AHCYL2: variants seen among roughly 807,000 people sequenced by gnomAD.
AHCYL2 encodes the protein adenosylhomocysteinase like 2, also known as S-adenosylhomocysteine hydrolase-like protein 2.
In AHCYL2, 28 loss-of-function variants were observed where a neutral mutation model predicts 81.4. The ratio of observed to expected loss-of-function variants is 0.34; its 90% CI spans 0.25 to 0.47. The LOEUF (loss-of-function observed/expected upper bound fraction) is 0.47, where lower values mean the gene tolerates loss of function less well. AHCYL2 is among the 20% of genes least tolerant of loss of function. The pLI, the probability that AHCYL2 is intolerant of heterozygous loss-of-function variation, is 1.00. For missense variants in AHCYL2, 551 were observed against 785.1 expected (o/e 0.70, Z 3.56); for synonymous variants, 272 against 290.2 (o/e 0.94, Z 0.64).
At chr7:129,379,459 A>T (rs1019252766) in intron 1 of AHCYL2, among the ~76,000 whole-genome samples, 179 bp from the exon 2 acceptor site, 2 of 145,862 alleles carry the variant, frequency 1.4e-5, no homozygotes, top group East Asian at 2.0e-4. Context: ...ATCTCTATTT[A>T]AAAAAAAAAA....
intron 1 of AHCYL2, among the ~76,000 whole-genome samples, chr7:129,315,847 T>G (rs1330818102): frequency 1.8e-4 from 27 of 152,194 alleles, no homozygotes; most frequent in Admixed American, 1.8e-3. Flanking sequence ...TGGTCAGTTA[T>G]GAAAATTAGC....
At chr7:129,336,187 C>A (rs976946681) in intron 1 of AHCYL2, among the ~76,000 whole-genome samples, 9 of 151,540 alleles carry the variant, frequency 5.9e-5, no homozygotes, top group Admixed American at 3.3e-4. Flanking sequence ...CCTGCCTCAG[C>A]CTCCCAAGTA....
chr7:129,311,223 T>C (rs1563191498), intron 1 of AHCYL2, among the ~76,000 whole-genome samples: 1 of 152,144 alleles, frequency 6.6e-6, no homozygotes, highest in African/African-American at 2.4e-5. Flanking sequence ...CTGAAGTCCT[T>C]GAAAAGAAAG....
intron 1 of AHCYL2, among the ~76,000 whole-genome samples, chr7:129,256,531 T>TCCCCCCCCCCCCCCCCCCCCCCC (rs1372558756): frequency 2.3e-5 from 1 of 43,482 alleles, no homozygotes; most frequent in Non-Finnish European, 4.3e-5. Context: ...ACATCTTGCT[T>TCCCCCCCCCCCCCCCCCCCCCCC]CCCGCCCCCC....
intron 1 of AHCYL2, among the ~76,000 whole-genome samples, chr7:129,322,601 CT>C (rs966756239): frequency 6.6e-6 from 1 of 150,922 alleles, no homozygotes; most frequent in Non-Finnish European, 1.5e-5. Context: ...TTTTCTTTTT[CT>C]TTTTTTTGAG....
At chr7:129,259,179 A>T (rs1456343696) in intron 1 of AHCYL2, among the ~76,000 whole-genome samples, 1 of 152,152 alleles carries the variant, frequency 6.6e-6, no homozygotes, top group African/African-American at 2.4e-5. Flanking sequence ...AGTCTCTGAT[A>T]AACAAAGAAG....
chr7:129,258,772 T>C (rs1795517925), intron 1 of AHCYL2, among the ~76,000 whole-genome samples: 1 of 152,152 alleles, frequency 6.6e-6, no homozygotes, highest in East Asian at 1.9e-4. Flanking sequence ...TAGCCTCAAT[T>C]AAGGTTTTTG....
At chr7:129,356,374 A>G (rs893749987) in intron 1 of AHCYL2, among the ~76,000 whole-genome samples, 1 of 152,208 alleles carries the variant, frequency 6.6e-6, no homozygotes, top group Non-Finnish European at 1.5e-5. Flanking sequence ...TTAAATTACT[A>G]TAAACCACTG....
At chr7:129,326,120 A>T (rs1343141698) in intron 1 of AHCYL2, among the ~76,000 whole-genome samples, 2 of 152,198 alleles carry the variant, frequency 1.3e-5, no homozygotes, top group Non-Finnish European at 2.9e-5. Context: ...GAACATTTGT[A>T]TACAAAAATA....
rs1554472002 is a variant in AHCYL2, at chr7:129,267,230, G to GGTGTGTGTGTGTGTATGTGTGT, written c.363+41805_363+41806insATGTGTGTGTGTGTGTGTGTGT. Among the ~76,000 whole-genome samples, 121 of 59,216 alleles carry GGTGTGTGTGTGTGTATGTGTGT rather than the reference G, an allele frequency of 2.0e-3. 1 individual carries two copies. The highest frequency in any genetic ancestry group is 4.3e-3 in the African/African-American group (100 of 23,128). 38.8% of individuals were successfully genotyped at this position (59,216 alleles called of 152,430 possible). ...TCCAAGTTATTGAGTTCACTCAAGG[G>GGTGTGTGTGTGTGTATGTGTGT]GTGTGTGTGTGTGTGTGTGTGTGTG... On this transcript the variant is annotated intron_variant, in intron 1 of 16. Transcript: ENST00000325006.
chr7:129,242,958 T>G (rs1346425026), intron 1 of AHCYL2, among the ~76,000 whole-genome samples: 1 of 151,952 alleles, frequency 6.6e-6, no homozygotes, highest in Non-Finnish European at 1.5e-5. Context: ...TTTTTTCATA[T>G]CCTTTCCCAT....
chr7:129,243,215 G>A (rs1794928724), intron 1 of AHCYL2, among the ~76,000 whole-genome samples: 1 of 151,440 alleles, frequency 6.6e-6, no homozygotes, highest in South Asian at 2.1e-4. Flanking sequence ...AGTAGAGATG[G>A]GGTTTCACCA....
chr7:129,261,984 A>AT (rs754099423), intron 1 of AHCYL2, among the ~76,000 whole-genome samples: 1 of 152,110 alleles, frequency 6.6e-6, no homozygotes, highest in Non-Finnish European at 1.5e-5. Flanking sequence ...TTTCTGTATT[A>AT]TTTTTTAACA....
intron 1 of AHCYL2, among the ~76,000 whole-genome samples, chr7:129,266,868 T>C (rs1415766180): frequency 6.6e-6 from 1 of 152,216 alleles, no homozygotes. Context: ...TAGATGATTT[T>C]GTATGACTAA....
intron 1 of AHCYL2, among the ~76,000 whole-genome samples, chr7:129,321,743 G>GTTTTTTTTTTTTTTTTTTTTTTGT: frequency 2.6e-5 from 2 of 77,626 alleles, no homozygotes; most frequent in Admixed American, 3.3e-4. Context: ...TTCTTTCTTT[G>GTTTTTTTTTTTTTTTTTTTTTTGT]TTTTTTTTTT....
chr7:129,331,756 C>T (rs1798433146), intron 1 of AHCYL2, among the ~76,000 whole-genome samples: 1 of 151,944 alleles, frequency 6.6e-6, no homozygotes, highest in African/African-American at 2.4e-5. Context: ...GCAGGAGAAC[C>T]TCTCGAACCC....
chr7:129,375,530 G>A (rs531510374), intron 1 of AHCYL2: 51 of 851,216 alleles, frequency 6.0e-5, no homozygotes, highest in East Asian at 1.2e-4. Context: ...ATTGTTATGC[G>A]CATGCAAGTT....
chr7:129,283,301 G>C (rs1333980578), intron 1 of AHCYL2: 2 of 453,640 alleles, frequency 4.4e-6, no homozygotes, highest in Non-Finnish European at 8.9e-6. Context: ...AGCATTCACA[G>C]AACTTACTTC....
intron 1 of AHCYL2, among the ~76,000 whole-genome samples, chr7:129,376,230 A>G (rs1269722563): frequency 6.6e-6 from 1 of 152,172 alleles, no homozygotes; most frequent in African/African-American, 2.4e-5. Flanking sequence ...TACAAAACCA[A>G]TCCATTACAA....
Sources: gnomAD v4.1 joint callset for allele counts (sites outside exome capture counted in the v4.1 genomes callset) on GRCh38, gnomAD v4.1.1 for gene constraint, MANE v1.5 for transcripts, NCBI Gene and HGNC (gene_info 2026-07-23, HGNC 2026-07-21) for gene names.